Variants in C1orf159 observed in about 807,000 individuals in gnomAD.
C1orf159 encodes chromosome 1 open reading frame 159, also known as uncharacterized protein C1orf159.
In C1orf159, 19 loss-of-function variants were observed where a neutral mutation model predicts 25.6. The ratio of observed to expected loss-of-function variants is 0.74; its 90% confidence interval spans 0.52 to 1.09. The LOEUF (loss-of-function observed/expected upper bound fraction) is 1.09. Ranked by LOEUF, C1orf159 falls within the 50% of genes least tolerant of loss-of-function variation. C1orf159 has a pLI of 0.00. For synonymous variants in C1orf159, 139 were observed against 124.7 expected, an observed-to-expected ratio of 1.12 and a Z score of -0.77; for missense variants, 274 against 290.6, an observed-to-expected ratio of 0.94 and a Z score of 0.42.
intron 1 of C1orf159, among the ~76,000 whole-genome samples, chr1:1,111,662 A>C (rs1287361100): frequency 6.6e-6 from 1 of 152,216 alleles, no homozygotes; most frequent in Non-Finnish European, 1.5e-5. Flanking sequence ...GGTAGACCAC[A>C]CCCACGCTCA....
At chr1:1,100,396 C>T (rs1646083632) in intron 1 of C1orf159, among the ~76,000 whole-genome samples, 1 of 152,098 alleles carries the variant, frequency 6.6e-6, no homozygotes, top group Admixed American at 6.5e-5. Context: ...CAAAATTGAG[C>T]AGTTAAGTAC....
Position 1,110,062 on chromosome 1 carries a change from C to G in C1orf159, c.-136+5998G>C, listed in dbSNP as rs1646236488. On this transcript the variant is annotated intron_variant, in intron 1 of 9. Coordinates refer to ENST00000421241, the MANE Select transcript of C1orf159 (RefSeq NM_017891.5). The surrounding 1 kb of genome is among the most constrained non-coding windows in gnomAD (Gnocchi z 4.8). ...AGGAAAAGAAAACCCAAGCCTTATT[C>G]TTTAACTGTAAGGGTGTGTGACTTA... Among the ~76,000 whole-genome samples the G allele has an allele frequency of 6.6e-6, 1 of 152,260 alleles. No individual in the cohort carries two copies. The highest frequency in any genetic ancestry group is 1.5e-5 in the Non-Finnish European group (1 of 68,044).
intron 1 of C1orf159, among the ~76,000 whole-genome samples, chr1:1,113,969 T>C (rs966659190): frequency 2.0e-5 from 3 of 147,740 alleles, no homozygotes; most frequent in African/African-American, 7.6e-5. Context: ...CAGGCTGCAG[T>C]GCAGTGGCGC....
chr1:1,105,980 A>G (rs918824258), intron 1 of C1orf159: 2 of 152,226 alleles, frequency 1.3e-5, no homozygotes, highest in African/African-American at 4.8e-5. Context: ...CGTGCCGACA[A>G]GAGCACGGAA....
Position 1,091,409 on chromosome 1 carries a change from G to A in C1orf159, c.72+63C>T, listed in dbSNP as rs952128587. The A allele has an allele frequency of 7.0e-6, 10 of 1,427,892 alleles. No homozygotes were observed. The Admixed American group carries it at 7.9e-5, about 11-fold the overall frequency. The allele number at this position is 1,427,892 out of a possible 1,614,324, so 88.5% of individuals were successfully genotyped here. A position where few individuals can be genotyped will look rare whatever the true frequency, so the allele number is the denominator to read the frequency against. On this transcript the variant is annotated intron_variant, in intron 3 of 9. Coordinates refer to ENST00000421241, the MANE Select transcript of C1orf159 (RefSeq NM_017891.5). ...GAAGGGTTAGACCCTCTAGGGGAAG[G>A]GCCCACCGCCCTCCACAGAGGCTCT... is the stretch of plus-strand genomic sequence containing the variant.
chr1:1,113,121 G>A (rs7518814), intron 1 of C1orf159, among the ~76,000 whole-genome samples: 31,165 of 151,500 alleles, frequency 0.21, 3,903 homozygotes, highest in African/African-American at 0.35. Context: ...ACATGAACCC[G>A]GGAGGCAGAG....
At chr1:1,102,087 A>C (rs548395754) in intron 1 of C1orf159, among the ~76,000 whole-genome samples, 33 of 151,034 alleles carry the variant, frequency 2.2e-4, no homozygotes, top group South Asian at 6.3e-4. Flanking sequence ...AAAAAAAAAA[A>C]AAAAAAAAAC....
rs1439895745 is a variant in C1orf159 at position 1,087,485 on chromosome 1, G to A, written c.244+17C>T. ...GGAGCTGTGAGAAGGGAGCCGGGGG[G>A]AGCCGGGCAGACCTACAGCTTCTAC... On this transcript the variant is annotated intron_variant, in intron 5 of 9. Transcript: ENST00000421241. This position sits in a 1 kb window ranked among gnomAD's most constrained non-coding sequence, Gnocchi z 8.3. 1.9e-5 allele frequency: 30 copies of A among 1,540,252 alleles called. No individual in the cohort carries two copies. In the East Asian group the frequency reaches 6.6e-4, roughly 34 times the overall value.
intron 1 of C1orf159, among the ~76,000 whole-genome samples, chr1:1,100,332 G>T (rs897389458): frequency 2.6e-5 from 4 of 151,672 alleles, no homozygotes; most frequent in Admixed American, 1.3e-4. Flanking sequence ...TTTTCTGATT[G>T]TCCCTTTGTA....
At chr1:1,085,819 C>A (rs893027488) in intron 7 of C1orf159, 59 bp downstream of exon 7, 26 of 1,594,630 alleles carry the variant, frequency 1.6e-5, no homozygotes, top group Non-Finnish European at 2.1e-5. Flanking sequence ...CCCATCTCCA[C>A]GGCTGGATGC....
chr1:1,085,860 T>A lies in C1orf159; in HGVS notation c.445+18A>T, dbSNP rs1402110744. 6.2e-7 allele frequency: 1 copy of A among 1,612,286 alleles called. No homozygotes were observed. Among genetic ancestry groups the A allele is most frequent in the Non-Finnish European group, 8.5e-7 (1 of 1,179,460 alleles). ...GCCCTGTGCCCTCCCGTGGGGCAGGTGCTGGTCCGGGAGATACCTTTGTTT... is the reference window on the plus strand; with the variant it reads ...GCCCTGTGCCCTCCCGTGGGGCAGGAGCTGGTCCGGGAGATACCTTTGTTT... On this transcript the variant is annotated intron_variant, in intron 7 of 9. Transcript: ENST00000421241.
At chr1:1,096,558 A>G (rs913601238) in intron 1 of C1orf159, among the ~76,000 whole-genome samples, 28 of 152,238 alleles carry the variant, frequency 1.8e-4, no homozygotes, top group African/African-American at 6.5e-4. Flanking sequence ...GAAACCATGT[A>G]TATTTGCAGG....
chr1:1,102,098 A>AC (rs1646110191), intron 1 of C1orf159, among the ~76,000 whole-genome samples: 13 of 97,220 alleles, frequency 1.3e-4, no homozygotes, highest in African/African-American at 6.9e-4. Flanking sequence ...AAAAAAAAAC[A>AC]AACTTTTGAA....
At chr1:1,105,648 G>A (rs1020578544) in intron 1 of C1orf159, among the ~76,000 whole-genome samples, 13 of 152,338 alleles carry the variant, frequency 8.5e-5, no homozygotes, top group South Asian at 2.1e-4. Context: ...TTGGGAGGCC[G>A]AGGTGGGTGG....
At chr1:1,103,746 C>T (rs767649628) in intron 1 of C1orf159, among the ~76,000 whole-genome samples, 2 of 152,176 alleles carry the variant, frequency 1.3e-5, no homozygotes, top group African/African-American at 4.8e-5. Context: ...TGTTTGTTTT[C>T]TGGAGACACA....
chr1:1,087,916 C>T lies in C1orf159; in HGVS notation c.149-319G>A, dbSNP rs1376045566. On this transcript the variant is annotated intron_variant, in intron 4 of 9. Transcript: ENST00000421241. The surrounding 1 kb of genome is among the most constrained non-coding windows in gnomAD (Gnocchi z 8.3). Reference sequence around the variant, plus strand: ...CTCTCCACGCCGAGCACCCCAGCCCCGAGTACTCCACGCTGCACTCCACGC... The same window carrying T: ...CTCTCCACGCCGAGCACCCCAGCCCTGAGTACTCCACGCTGCACTCCACGC... Among the ~76,000 whole-genome samples the T allele has an allele frequency of 1.3e-5, 2 of 149,692 alleles. No homozygotes were observed. The highest frequency in any genetic ancestry group is 3.0e-5 in the Non-Finnish European group (2 of 67,188).
chr1:1,090,648 G>A (rs546256868), intron 3 of C1orf159: 69 of 683,826 alleles, frequency 1.0e-4, no homozygotes, highest in South Asian at 5.2e-4. Flanking sequence ...CTGGGTGGGC[G>A]GTCTCCAAGG....
At chr1:1,094,562 G>A (rs1008645040) in intron 1 of C1orf159, among the ~76,000 whole-genome samples, 94 of 152,012 alleles carry the variant, frequency 6.2e-4, no homozygotes, top group Non-Finnish European at 9.0e-4. Flanking sequence ...CACCACGCCC[G>A]GCTAATTTTT....
chr1:1,085,880 T>G lies in C1orf159; in HGVS notation c.443A>C (p.Lys148Thr), dbSNP rs757047685. 1.1e-5 allele frequency: 18 copies of G among 1,612,974 alleles called. No homozygotes were observed. In the East Asian group the frequency reaches 4.0e-4, roughly 36 times the overall value. Residue 148 changes from lysine to threonine, a missense_variant and splice_region_variant, in exon 7 of 10, where the codon AAA (lysine) becomes ACA (threonine). Coordinates refer to ENST00000421241, the MANE Select transcript of C1orf159 (RefSeq NM_017891.5). ...GCAGGTGCTGGTCCGGGAGATACCT[T>G]TGTTTCTTCTGTAGCAGGCCCTGGG... Reference protein sequence around the residue: ...KLPRACYRRNKAPALQPGEAA... With the variant: ...KLPRACYRRNTAPALQPGEAA...
Sources: allele counts gnomAD v4.1 joint callset (sites outside exome capture counted in the v4.1 genomes callset), GRCh38; gene constraint gnomAD v4.1.1; non-coding constraint Gnocchi (gnomAD v3.1); transcripts MANE v1.5; gene names NCBI Gene and HGNC (gene_info 2026-07-23, HGNC 2026-07-21).